The following CDK8 variants were observed in gnomAD, a reference collection of about 807,000 sequenced individuals.
The protein encoded by CDK8 is cyclin dependent kinase 8.
Under a neutral mutation model 71.5 loss-of-function variants are expected in CDK8, and 29 were observed. The ratio of observed to expected loss-of-function variants is 0.41; its 90% confidence interval spans 0.30 to 0.55. The LOEUF (loss-of-function observed/expected upper bound fraction) is 0.55. Among genes scored for constraint, CDK8 ranks in the 20% least tolerant of loss-of-function variants. CDK8 has a pLI of 0.37. For missense variants in CDK8, 288 were observed against 572.6 expected, an observed-to-expected ratio of 0.50 and a Z score of 5.07; for synonymous variants, 161 against 192.1, an observed-to-expected ratio of 0.84 and a Z score of 1.34.
chr13:26,371,810 G>T (rs1874702944), intron 4 of CDK8, among the ~76,000 whole-genome samples: 1 of 152,006 alleles, frequency 6.6e-6, no homozygotes, highest in South Asian at 2.1e-4. Flanking sequence ...TAGAGATGGG[G>T]TTTCACCATG....
At chr13:26,260,442 A>T (rs1352442477) in intron 1 of CDK8, among the ~76,000 whole-genome samples, 2 of 152,104 alleles carry the variant, frequency 1.3e-5, no homozygotes, top group Non-Finnish European at 2.9e-5. Context: ...CCATGGCAGA[A>T]CTCTGTTTTG....
At chr13:26,344,742 GTC>G (rs1194267920) in intron 2 of CDK8, among the ~76,000 whole-genome samples, 1 of 148,494 alleles carries the variant, frequency 6.7e-6, no homozygotes, top group Non-Finnish European at 1.5e-5. Context: ...ATATGAGACT[GTC>G]TCAAAAAAAA....
chr13:26,384,625 C>T (rs1875387518), intron 5 of CDK8, among the ~76,000 whole-genome samples: 1 of 152,134 alleles, frequency 6.6e-6, no homozygotes, highest in African/African-American at 2.4e-5. Flanking sequence ...CACCTAACTT[C>T]TTGAACCATA....
chr13:26,400,815 C>T (rs184603409), intron 10 of CDK8, among the ~76,000 whole-genome samples: 18 of 152,158 alleles, frequency 1.2e-4, no homozygotes, highest in Admixed American at 3.9e-4. Flanking sequence ...GTTGGTTATG[C>T]GTGCTGTAGC....
intron 12 of CDK8, among the ~76,000 whole-genome samples, chr13:26,402,525 C>T (rs1876313407): frequency 1.3e-5 from 2 of 152,108 alleles, no homozygotes; most frequent in South Asian, 2.1e-4. Context: ...CCCGAGTGCT[C>T]GTTACTGTAC....
rs540266365 is a variant in CDK8, at chr13:26,274,494, C to T, written c.128+19725C>T. ...TTGCCCAGGCTGGAGTGCAGTGGCA[C>T]GACCTCCACTCACTGCAAGCTCTGC... is the stretch of plus-strand genomic sequence containing the variant. On this transcript the variant is annotated intron_variant, in intron 1 of 12. Transcript: ENST00000381527. 1.9e-4 allele frequency among the ~76,000 whole-genome samples: 29 copies of T among 151,226 alleles called. No homozygotes were observed. The East Asian group carries it at 1.9e-3, about 10-fold the overall frequency.
At chr13:26,276,737 T>C (rs906895281) in intron 1 of CDK8, among the ~76,000 whole-genome samples, 1 of 152,228 alleles carries the variant, frequency 6.6e-6, no homozygotes, top group Non-Finnish European at 1.5e-5. Context: ...TAATATCATG[T>C]TTGTTTTTCT....
chr13:26,378,213 T>C (rs1436757123), intron 4 of CDK8, among the ~76,000 whole-genome samples: 1 of 152,238 alleles, frequency 6.6e-6, no homozygotes, highest in East Asian at 1.9e-4. Flanking sequence ...ACCCAGTTCT[T>C]GTCTTTTTCA....
chr13:26,298,124 G>A (rs116744339), intron 1 of CDK8, among the ~76,000 whole-genome samples: 1,701 of 152,178 alleles, frequency 0.011, 33 homozygotes, highest in African/African-American at 0.039. Context: ...TTGGAGTTTA[G>A]GATTTCAGCA....
chr13:26,347,611 AAT>A (rs1222172750), intron 2 of CDK8, among the ~76,000 whole-genome samples: 1 of 152,190 alleles, frequency 6.6e-6, no homozygotes, highest in African/African-American at 2.4e-5. Context: ...CTGATTCAAA[AAT>A]GGGCAAAAGA....
intron 4 of CDK8, among the ~76,000 whole-genome samples, chr13:26,355,224 G>A (rs558992182): frequency 2.0e-5 from 3 of 152,304 alleles, no homozygotes; most frequent in African/African-American, 7.2e-5. Flanking sequence ...TACCTACAAA[G>A]CATTTAGACT....
intron 1 of CDK8, among the ~76,000 whole-genome samples, chr13:26,332,440 A>T (rs772096284): frequency 4.0e-5 from 6 of 151,844 alleles, no homozygotes; most frequent in Non-Finnish European, 7.4e-5. Context: ...AGCTGAGATC[A>T]TGCCACTGCA....
chr13:26,285,664 A>C (rs932532087), intron 1 of CDK8, among the ~76,000 whole-genome samples: 1 of 152,208 alleles, frequency 6.6e-6, no homozygotes, highest in African/African-American at 2.4e-5. Flanking sequence ...AGAGAAGGAA[A>C]TAAAGCGGAT....
At chr13:26,367,244 T>A (rs1394763214) in intron 4 of CDK8, among the ~76,000 whole-genome samples, 1 of 152,036 alleles carries the variant, frequency 6.6e-6, no homozygotes, top group Admixed American at 6.6e-5. Flanking sequence ...ACCTTGATGC[T>A]GAAGAGGGGC....
intron 1 of CDK8, among the ~76,000 whole-genome samples, chr13:26,323,320 AGAGAGAGGGAGAGAGAGAGGGAGAGG>A (rs1874869792): frequency 1.7e-5 from 2 of 116,876 alleles, no homozygotes; most frequent in African/African-American, 3.5e-5. Context: ...AGAGAGAGAG[AGAGAGAGGGAGAGAGAGAGGGAGAGG>A]GAGAGGGAGA....
chr13:26,344,320 C>G (rs1565979961), intron 2 of CDK8, among the ~76,000 whole-genome samples: 1 of 152,158 alleles, frequency 6.6e-6, no homozygotes, highest in Non-Finnish European at 1.5e-5. Flanking sequence ...AGGTTGATTC[C>G]ATGCTACTGT....
At chr13:26,396,236 C>G (rs1875986245) in intron 7 of CDK8, 49 bp from the exon 8 acceptor site, 1 of 795,390 alleles carries the variant, frequency 1.3e-6, no homozygotes, top group Non-Finnish European at 2.0e-6. Flanking sequence ...TAAAAATTCT[C>G]AAGAATAGGA....
chr13:26,383,365 G>T (rs1317206598), intron 5 of CDK8, among the ~76,000 whole-genome samples: 3 of 152,212 alleles, frequency 2.0e-5, no homozygotes, highest in Non-Finnish European at 4.4e-5. Flanking sequence ...CTGTCTCGTA[G>T]TAGGCCTTTC....
intron 3 of CDK8, among the ~76,000 whole-genome samples, chr13:26,351,635 CTT>C (rs1226172348): frequency 6.6e-6 from 1 of 152,104 alleles, no homozygotes; most frequent in Non-Finnish European, 1.5e-5. Context: ...AATGATTATA[CTT>C]CAGCAAATTT....
Sources: gnomAD v4.1 joint callset for allele counts (sites outside exome capture counted in the v4.1 genomes callset) on GRCh38, gnomAD v4.1.1 for gene constraint, MANE v1.5 for transcripts, NCBI Gene and HGNC (gene_info 2026-07-23, HGNC 2026-07-21) for gene names.